Variants in LDLRAD3 observed in about 807,000 individuals in gnomAD.
LDLRAD3 encodes low density lipoprotein receptor class A domain containing 3, also known as low-density lipoprotein receptor class A domain-containing protein 3.
LDLRAD3 carries 20 observed loss-of-function variants against 29.4 expected under a neutral mutation model. The ratio of observed to expected loss-of-function variants is 0.68; its 90% CI spans 0.48 to 0.99. LDLRAD3 has a LOEUF of 0.99. Among genes scored for constraint, LDLRAD3 ranks in the 50% least tolerant of loss-of-function variants. The probability of loss-of-function intolerance (pLI) is 0.00; values close to 1 mark genes in which losing one functional copy is unlikely to be tolerated. For missense variants in LDLRAD3, 420 were observed against 454.3 expected (o/e 0.92, Z 0.69); for synonymous variants, 157 against 192.7 (o/e 0.81, Z 1.53).
rs138275246 is a variant in LDLRAD3 at position 36,039,021 on chromosome 11, A to C, written c.193+2772A>C. ...TCTTGCCTCTGTCACCCAGGCTGGA[A>C]TGCAGTGGCGTGATCTCGGCTCACT... On this transcript the variant is annotated intron_variant, in intron 2 of 5. Transcript: ENST00000315571. 7.1e-3 allele frequency among the ~76,000 whole-genome samples: 1,064 copies of C among 148,818 alleles called. 16 individuals carry two copies. The highest frequency in any genetic ancestry group is 0.025 in the African/African-American group (1,006 of 40,244).
At chr11:36,083,431 C>T (rs562646530) in intron 3 of LDLRAD3, among the ~76,000 whole-genome samples, 14 of 151,922 alleles carry the variant, frequency 9.2e-5, no homozygotes, top group Admixed American at 7.9e-4. Context: ...GCCCATATCC[C>T]GTAAGTTAGA....
intron 2 of LDLRAD3, among the ~76,000 whole-genome samples, chr11:36,073,302 C>T (rs1852937974): frequency 6.6e-6 from 1 of 152,212 alleles, no homozygotes; most frequent in African/African-American, 2.4e-5. Flanking sequence ...ATGAAAGCTG[C>T]CGCTTTGAAA....
intron 4 of LDLRAD3, among the ~76,000 whole-genome samples, chr11:36,179,448 T>G (rs935516894): frequency 1.3e-5 from 2 of 151,908 alleles, no homozygotes; most frequent in African/African-American, 4.8e-5. Context: ...CACTCCAGCC[T>G]GGGTAACAGA....
At chr11:36,158,525 C>CTTTTT (rs61352747) in intron 4 of LDLRAD3, among the ~76,000 whole-genome samples, 48 of 107,082 alleles carry the variant, frequency 4.5e-4, no homozygotes, top group South Asian at 1.0e-3. Context: ...ATGTTCTGGG[C>CTTTTT]TTTTTTTTTT....
At chr11:36,015,538 G>T (rs958220509) in intron 1 of LDLRAD3, among the ~76,000 whole-genome samples, 3 of 152,086 alleles carry the variant, frequency 2.0e-5, no homozygotes, top group Admixed American at 1.3e-4. Context: ...GCGCGCAGAT[G>T]TTAACTGGGG....
intron 2 of LDLRAD3, among the ~76,000 whole-genome samples, chr11:36,047,136 C>A (rs1565183901): frequency 6.6e-6 from 1 of 152,182 alleles, no homozygotes; most frequent in Non-Finnish European, 1.5e-5. Flanking sequence ...AGGGCTCCAA[C>A]TGGGGGTCCC....
At chr11:36,033,823 T>C (rs1178034298) in intron 1 of LDLRAD3, among the ~76,000 whole-genome samples, 1 of 152,200 alleles carries the variant, frequency 6.6e-6, no homozygotes, top group Non-Finnish European at 1.5e-5. Context: ...GGTGGCTTTC[T>C]GGAGTCCGGT....
At chr11:36,200,759 C>A (rs569145858) in intron 4 of LDLRAD3, among the ~76,000 whole-genome samples, 1 of 152,164 alleles carries the variant, frequency 6.6e-6, no homozygotes, top group Non-Finnish European at 1.5e-5. Context: ...GGTGCTCAAC[C>A]CATGGGCTTG....
At chr11:36,095,522 G>T (rs1853347488) in intron 3 of LDLRAD3, among the ~76,000 whole-genome samples, 1 of 151,902 alleles carries the variant, frequency 6.6e-6, no homozygotes, top group African/African-American at 2.4e-5. Context: ...TTTGATTTTT[G>T]AGAGTTCTTT....
chr11:36,021,823 CT>C, intron 1 of LDLRAD3, among the ~76,000 whole-genome samples: 1 of 152,088 alleles, frequency 6.6e-6, no homozygotes, highest in Admixed American at 6.6e-5. Flanking sequence ...TTAATTCTTT[CT>C]TTTTTTGGTA....
intron 4 of LDLRAD3, among the ~76,000 whole-genome samples, chr11:36,169,556 C>T (rs1278639147): frequency 6.6e-6 from 1 of 152,188 alleles, no homozygotes; most frequent in Non-Finnish European, 1.5e-5. Flanking sequence ...ATTTGTGTTT[C>T]TGTGCCTGGC....
At chr11:36,145,888 T>C (rs1854184784) in intron 4 of LDLRAD3, among the ~76,000 whole-genome samples, 2 of 151,874 alleles carry the variant, frequency 1.3e-5, no homozygotes, top group Admixed American at 1.3e-4. Context: ...CAGGGTCCTC[T>C]GCCTAGGAAA....
chr11:36,004,715 T>C (rs976920044), intron 1 of LDLRAD3, among the ~76,000 whole-genome samples: 6 of 152,244 alleles, frequency 3.9e-5, no homozygotes, highest in African/African-American at 1.4e-4. Flanking sequence ...ATGAGGGCTC[T>C]GCCCCTGCAG....
intron 4 of LDLRAD3, among the ~76,000 whole-genome samples, chr11:36,218,582 A>G (rs769386957): frequency 6.6e-6 from 1 of 152,252 alleles, no homozygotes; most frequent in Non-Finnish European, 1.5e-5. Flanking sequence ...GAAACACAGC[A>G]CAGTAGAAAT....
intron 4 of LDLRAD3, among the ~76,000 whole-genome samples, chr11:36,181,982 A>C (rs1341594472): frequency 3.9e-5 from 6 of 152,120 alleles, no homozygotes; most frequent in Non-Finnish European, 5.9e-5. Flanking sequence ...GACCCAAAGC[A>C]TCAGAAATAA....
chr11:35,961,353 T>C, intron 1 of LDLRAD3, among the ~76,000 whole-genome samples: 1 of 152,212 alleles, frequency 6.6e-6, no homozygotes, highest in East Asian at 1.9e-4. Flanking sequence ...AGGCAGGCTC[T>C]TGAACCAAAC....
intron 1 of LDLRAD3, among the ~76,000 whole-genome samples, chr11:36,000,811 G>A (rs1477404197): frequency 6.6e-6 from 1 of 152,124 alleles, no homozygotes. Context: ...GAGGGAAGGA[G>A]CTTGGGGGCC....
chr11:36,084,986 T>A (rs1052399529), intron 3 of LDLRAD3, among the ~76,000 whole-genome samples: 2 of 152,228 alleles, frequency 1.3e-5, no homozygotes, highest in African/African-American at 4.8e-5. Context: ...TTTTGAAGAG[T>A]TCCAAAGGTA....
chr11:35,997,341 C>A (rs529203946), intron 1 of LDLRAD3: 233 of 458,370 alleles, frequency 5.1e-4, no homozygotes, highest in African/African-American at 4.3e-3. Flanking sequence ...ATCTGTGAAG[C>A]AATGTTGACA....
Sources: gnomAD v4.1 joint callset for allele counts (sites outside exome capture counted in the v4.1 genomes callset) on GRCh38, gnomAD v4.1.1 for gene constraint, MANE v1.5 for transcripts, NCBI Gene and HGNC (gene_info 2026-07-23, HGNC 2026-07-21) for gene names.